Variants in GALNT16 observed in about 807,000 individuals in gnomAD.
The protein encoded by GALNT16 is UDP-GalNAc:polypeptide N-acetylgalactosaminyltransferase-like protein 1.
In GALNT16, 40 loss-of-function variants were observed where a neutral mutation model predicts 76.1. The observed-to-expected ratio is 0.53, with a 90% CI of 0.41 to 0.68. GALNT16 has a LOEUF of 0.68. GALNT16 is among the 30% of genes least tolerant of loss of function. The pLI is 0.00. For synonymous variants in GALNT16, 276 were observed against 285.2 expected (o/e 0.97, Z 0.32); for missense variants, 621 against 731.9 (o/e 0.85, Z 1.75).
rs541076432 is a variant in GALNT16, at chr14:69,293,221, C to T, written c.178-27490C>T. Reference sequence around the variant, plus strand: ...CCTGCCCCAAAGCCTGGGCCTTAAACCTCAGCACGCTGCCTCACTGCTGCA... The same window carrying T: ...CCTGCCCCAAAGCCTGGGCCTTAAATCTCAGCACGCTGCCTCACTGCTGCA... On this transcript the variant is annotated intron_variant, in intron 1 of 14. Coordinates refer to ENST00000448469, the MANE Select transcript of GALNT16 (RefSeq NM_001168368.2). 7.9e-5 allele frequency among the ~76,000 whole-genome samples: 12 copies of T among 152,346 alleles called. No individual in the cohort carries two copies. In the South Asian group the frequency reaches 2.5e-3, roughly 32 times the overall value.
At position 69,320,954 on chromosome 14, in the gene GALNT16, G is replaced by A. The variant is rs556907547; in HGVS notation, c.335+86G>A. 7.0e-5 allele frequency: 90 copies of A among 1,289,200 alleles called. 1 individual carries two copies. The East Asian group carries it at 1.9e-3, about 28-fold the overall frequency. The allele number at this position is 1,289,200 out of a possible 1,614,324, so 79.9% of individuals were successfully genotyped here. A position where few individuals can be genotyped will look rare whatever the true frequency, so the allele number is the denominator to read the frequency against. On this transcript the variant is annotated intron_variant, in intron 2 of 14. Coordinates refer to ENST00000448469, the MANE Select transcript of GALNT16 (RefSeq NM_001168368.2). ...TTTGTCTTCTTTTACGTGTATCTAA[G>A]AAATGAGGATGATTTCCTCAGACTG...
At chr14:69,295,590 C>T (rs546449329) in intron 1 of GALNT16, among the ~76,000 whole-genome samples, 62 of 152,052 alleles carry the variant, frequency 4.1e-4, no homozygotes, top group African/African-American at 1.4e-3. Context: ...CATGGTGGCA[C>T]GTGCCTGCAG....
At chr14:69,276,702 G>T (rs542514082) in intron 1 of GALNT16, among the ~76,000 whole-genome samples, 221 of 151,534 alleles carry the variant, frequency 1.5e-3, no homozygotes, top group African/African-American at 5.1e-3. Flanking sequence ...AAGAAAGAAA[G>T]AAGCTTGAAG....
At chr14:69,304,736 G>A (rs2044906790) in intron 1 of GALNT16, among the ~76,000 whole-genome samples, 1 of 152,102 alleles carries the variant, frequency 6.6e-6, no homozygotes, top group Admixed American at 6.5e-5. Context: ...GTCTTTCTGG[G>A]ACTGGCTTAT....
chr14:69,321,689 C>T (rs544108563), intron 2 of GALNT16, among the ~76,000 whole-genome samples: 77 of 152,312 alleles, frequency 5.1e-4, no homozygotes, highest in South Asian at 1.5e-3. Context: ...GCACCTCCTC[C>T]GCCCCACCTA....
intron 1 of GALNT16, among the ~76,000 whole-genome samples, chr14:69,318,809 T>C (rs1438884596): frequency 6.6e-6 from 1 of 152,238 alleles, no homozygotes; most frequent in African/African-American, 2.4e-5. Flanking sequence ...GAGGCTCCGT[T>C]CCATTTCCCT....
chr14:69,266,727 ACT>A (rs900895792), intron 1 of GALNT16, among the ~76,000 whole-genome samples: 17 of 151,874 alleles, frequency 1.1e-4, no homozygotes, highest in African/African-American at 4.1e-4. Flanking sequence ...GAGAAAAAAG[ACT>A]CTCTGTCATG....
At chr14:69,310,789 C>T (rs1343419753) in intron 1 of GALNT16, among the ~76,000 whole-genome samples, 2 of 152,108 alleles carry the variant, frequency 1.3e-5, no homozygotes, top group Non-Finnish European at 2.9e-5. Context: ...GTGGCTCACA[C>T]CTGTAACCTC....
intron 1 of GALNT16, among the ~76,000 whole-genome samples, chr14:69,264,232 G>A (rs966806162): frequency 3.9e-5 from 6 of 152,152 alleles, no homozygotes; most frequent in East Asian, 3.8e-4. Flanking sequence ...TTCTTAAACC[G>A]GAGTTTCTTA....
chr14:69,301,103 G>GT, intron 1 of GALNT16, among the ~76,000 whole-genome samples: 1 of 124,854 alleles, frequency 8.0e-6, no homozygotes, highest in South Asian at 2.4e-4. Flanking sequence ...GGGGATTTCA[G>GT]GCTCCAGGGA....
At chr14:69,371,958 T>TA in the GALNT16 span, among the ~76,000 whole-genome samples, 1 of 151,762 alleles carries the variant, frequency 6.6e-6, no homozygotes, top group African/African-American at 2.4e-5. Flanking sequence ...AATAAAAAAA[T>TA]AAATAATAAA....
Position 69,261,108 on chromosome 14 carries a change from A to C in GALNT16, c.177+641A>C, listed in dbSNP as rs1357099726. On this transcript the variant is annotated intron_variant, in intron 1 of 14. Coordinates refer to ENST00000448469, the MANE Select transcript of GALNT16 (RefSeq NM_001168368.2). This position sits in a 1 kb window ranked among gnomAD's most constrained non-coding sequence, Gnocchi z 6.4. The stretch of plus-strand genomic sequence containing the variant: ...ACTCCCAACCTTAGGGTCCGCCACC[A>C]CGGGTAGGTGGGCAGTGTCAGCGCC... 6.6e-6 allele frequency among the ~76,000 whole-genome samples: 1 copy of C among 152,174 alleles called. No individual in the cohort carries two copies. Among genetic ancestry groups the C allele is most frequent in the Non-Finnish European group, 1.5e-5 (1 of 68,016 alleles).
At chr14:69,359,118 T>A (rs1424960967), downstream of GALNT16, 2 of 152,328 alleles carry the variant, frequency 1.3e-5, no homozygotes, top group East Asian at 1.9e-4. Flanking sequence ...ATCACCTTCC[T>A]CCATACGCTA....
At chr14:69,366,400 C>A in the GALNT16 span, among the ~76,000 whole-genome samples, 1 of 152,188 alleles carries the variant, frequency 6.6e-6, no homozygotes. Flanking sequence ...AGATCCTCTG[C>A]GTGCTTCCCC....
At chr14:69,346,527 A>G (rs1250327454) in intron 12 of GALNT16, among the ~76,000 whole-genome samples, 2 of 152,174 alleles carry the variant, frequency 1.3e-5, no homozygotes, top group Non-Finnish European at 2.9e-5. Flanking sequence ...ATTGTCATTA[A>G]ATTAAGTGTG....
At chr14:69,279,421 G>A (rs2044511970) in intron 1 of GALNT16, among the ~76,000 whole-genome samples, 1 of 152,214 alleles carries the variant, frequency 6.6e-6, no homozygotes, top group African/African-American at 2.4e-5. Context: ...TTTTAGAGTT[G>A]TTAAGATGAG....
intron 1 of GALNT16, among the ~76,000 whole-genome samples, chr14:69,305,607 T>G (rs2044921851): frequency 6.6e-6 from 1 of 152,236 alleles, no homozygotes; most frequent in African/African-American, 2.4e-5. Context: ...TAAATCAGGT[T>G]ACTAGTTTTT....
the GALNT16 span, chr14:69,380,234 A>C: frequency 8.6e-6 from 2 of 231,330 alleles, no homozygotes; most frequent in Non-Finnish European, 1.7e-5. Flanking sequence ...TAGTATGTGA[A>C]TGTTATAAAG....
At chr14:69,260,611 G>T (rs2140090354) in intron 1 of GALNT16, 144 bp downstream of exon 1, 1 of 500,474 alleles carries the variant, frequency 2.0e-6, no homozygotes, top group Non-Finnish European at 2.9e-6. Context: ...GAGCATTCCT[G>T]CCCGTTGTTA....
Sources: allele counts gnomAD v4.1 joint callset (sites outside exome capture counted in the v4.1 genomes callset), GRCh38; gene constraint gnomAD v4.1.1; non-coding constraint Gnocchi (gnomAD v3.1); transcripts MANE v1.5; gene names NCBI Gene and HGNC (gene_info 2026-07-23, HGNC 2026-07-21).